The following GALNT18 variants were observed in gnomAD, a reference collection of about 807,000 sequenced individuals.
GALNT18 encodes polypeptide N-acetylgalactosaminyltransferase 18, also known as GalNAc-transferase 18.
A neutral mutation model predicts 69.5 loss-of-function variants in GALNT18; 44 were observed. That is an observed-to-expected ratio of 0.63 (90% CI 0.50 to 0.81). The LOEUF (loss-of-function observed/expected upper bound fraction) is 0.81. Among genes scored for constraint, GALNT18 ranks in the 40% least tolerant of loss-of-function variants. The pLI, the probability that GALNT18 is intolerant of heterozygous loss-of-function variation, is 0.00. For synonymous variants in GALNT18, 364 were observed against 318.2 expected (o/e 1.14, Z -1.53); for missense variants, 715 against 810.0 (o/e 0.88, Z 1.42).
chr11:11,549,678 T>C (rs1373998190), intron 1 of GALNT18, among the ~76,000 whole-genome samples: 1 of 152,214 alleles, frequency 6.6e-6, no homozygotes, highest in African/African-American at 2.4e-5. Context: ...CTCCCCAACA[T>C]TGCATACAGG....
Position 11,332,620 on chromosome 11 carries a change from C to T in GALNT18, c.1416+74G>A. Reference sequence around the variant, plus strand: ...ATGTGAGCAGCTGAGAGGCTCTTTCCCTCCTCTCCCTTTCTTCACTATGTT... The same window carrying T: ...ATGTGAGCAGCTGAGAGGCTCTTTCTCTCCTCTCCCTTTCTTCACTATGTT... On this transcript the variant is annotated intron_variant, in intron 8 of 10. Transcript: ENST00000227756. This position sits in a 1 kb window ranked among gnomAD's most constrained non-coding sequence, Gnocchi z 4.3. The T allele has an allele frequency of 6.5e-7, 1 of 1,539,724 alleles. No individual in the cohort carries two copies. Among genetic ancestry groups the T allele is most frequent in the Non-Finnish European group, 8.9e-7 (1 of 1,117,706 alleles).
chr11:11,519,274 G>A (rs1857344213), intron 1 of GALNT18, among the ~76,000 whole-genome samples: 1 of 152,238 alleles, frequency 6.6e-6, no homozygotes, highest in Admixed American at 6.5e-5. Flanking sequence ...ATTAAGGAAA[G>A]TCAACAGAGG....
chr11:11,317,043 C>T (rs535393712), intron 9 of GALNT18, among the ~76,000 whole-genome samples: 6 of 152,292 alleles, frequency 3.9e-5, no homozygotes, highest in Admixed American at 6.5e-5. Flanking sequence ...AGAAATTTTC[C>T]GGGCTGTTAC....
At chr11:11,375,032 C>G (rs72853190) in intron 5 of GALNT18, among the ~76,000 whole-genome samples, 3 of 152,166 alleles carry the variant, frequency 2.0e-5, no homozygotes, top group Non-Finnish European at 4.4e-5. Context: ...AAATTTCTCA[C>G]GTGGATTTTC....
intron 9 of GALNT18, among the ~76,000 whole-genome samples, chr11:11,296,236 T>C (rs1353364952): frequency 6.6e-6 from 1 of 152,134 alleles, no homozygotes; most frequent in Non-Finnish European, 1.5e-5. Flanking sequence ...ATCACATGAA[T>C]ATGAGAAGTG....
chr11:11,613,919 T>G lies in GALNT18; in HGVS notation c.235+7440A>C, dbSNP rs1280269139. Among the ~76,000 whole-genome samples, 1 of 152,170 alleles carries G rather than the reference T, an allele frequency of 6.6e-6. No homozygotes were observed. Among genetic ancestry groups the G allele is most frequent in the African/African-American group, 2.4e-5 (1 of 41,440 alleles). ...CCACCATGCTGCCTTCTGGTTACAT[T>G]TATCACTCACATTCAGCCGGGTTTT... On this transcript the variant is annotated intron_variant, in intron 1 of 10. Coordinates refer to ENST00000227756, the MANE Select transcript of GALNT18 (RefSeq NM_198516.3). The surrounding 1 kb of genome is among the most constrained non-coding windows in gnomAD (Gnocchi z 4.2).
In GALNT18 at chr11:11,340,901, C is replaced by T. The variant is rs150122075; in HGVS notation, c.1196G>A (p.Arg399His). 5.6e-5 allele frequency: 91 copies of T among 1,613,936 alleles called. No homozygotes were observed. Among genetic ancestry groups the T allele is most frequent in the Non-Finnish European group, 7.0e-5 (83 of 1,179,966 alleles). The part of the protein sequence containing the change: ...PYTEDLTAHV[R>H]RNALRVAEVW... ...TTCAGCCACCCTGAGAGCGTTCCTGCGGACATGGGCGGTGAGGTCCTCTGT... is the reference window on the plus strand; with the variant it reads ...TTCAGCCACCCTGAGAGCGTTCCTGTGGACATGGGCGGTGAGGTCCTCTGT... Residue 399 changes from arginine to histidine, a missense_variant, in exon 7 of 11, where the codon CGC (arginine) becomes CAC (histidine). Coordinates refer to ENST00000227756, the MANE Select transcript of GALNT18 (RefSeq NM_198516.3). This position sits in a 1 kb window ranked among gnomAD's most constrained non-coding sequence, Gnocchi z 4.2.
chr11:11,401,047 T>C (rs896776319), intron 3 of GALNT18, among the ~76,000 whole-genome samples: 3 of 152,034 alleles, frequency 2.0e-5, no homozygotes, highest in Non-Finnish European at 2.9e-5. Context: ...AGGAGGGCAG[T>C]AGTGAGACGA....
intron 1 of GALNT18, among the ~76,000 whole-genome samples, chr11:11,517,712 A>G (rs1190332969): frequency 6.6e-6 from 1 of 152,054 alleles, no homozygotes; most frequent in Non-Finnish European, 1.5e-5. Flanking sequence ...CCCCTGCCAC[A>G]GTGCTCAGTC....
chr11:11,440,755 T>G (rs951301090), intron 2 of GALNT18, among the ~76,000 whole-genome samples: 2 of 152,216 alleles, frequency 1.3e-5, no homozygotes, highest in African/African-American at 4.8e-5. Flanking sequence ...TCTTCTTTTT[T>G]ACAAATCAGA....
intron 6 of GALNT18, among the ~76,000 whole-genome samples, chr11:11,358,826 A>AAC (rs10644506): frequency 0.031 from 3,402 of 110,866 alleles, 433 homozygotes; most frequent in Middle Eastern, 0.11. Context: ...ATCCACACAA[A>AAC]ACACACACAC....
chr11:11,361,212 G>C (rs1030335777), intron 6 of GALNT18, among the ~76,000 whole-genome samples: 1 of 152,218 alleles, frequency 6.6e-6, no homozygotes, highest in Non-Finnish European at 1.5e-5. Context: ...AATTTTGTCA[G>C]ATTTCTTACT....
chr11:11,324,480 C>G (rs2722763), intron 9 of GALNT18, among the ~76,000 whole-genome samples: 2,145 of 152,248 alleles, frequency 0.014, 47 homozygotes, highest in African/African-American at 0.049. Flanking sequence ...TAAAAATGAA[C>G]AAATTACAAC....
chr11:11,497,529 G>A lies in GALNT18; in HGVS notation c.236-48593C>T, dbSNP rs1856891393. ...GCTGATTAATAAATTTGTGCTGAATGAAAGAATACTCCAAAAGGTTCTCGT... is the reference window on the plus strand; with the variant it reads ...GCTGATTAATAAATTTGTGCTGAATAAAAGAATACTCCAAAAGGTTCTCGT... On this transcript the variant is annotated intron_variant, in intron 1 of 10. Coordinates refer to ENST00000227756, the MANE Select transcript of GALNT18 (RefSeq NM_198516.3). This position sits in a 1 kb window ranked among gnomAD's most constrained non-coding sequence, Gnocchi z 4.2. Among the ~76,000 whole-genome samples, 1 of 152,062 alleles carries A rather than the reference G, an allele frequency of 6.6e-6. No individual in the cohort carries two copies. The highest frequency in any genetic ancestry group is 1.5e-5 in the Non-Finnish European group (1 of 68,006).
intron 6 of GALNT18, among the ~76,000 whole-genome samples, chr11:11,359,515 C>T (rs550142195): frequency 6.6e-6 from 1 of 152,268 alleles, no homozygotes; most frequent in African/African-American, 2.4e-5. Context: ...TTTCTGGCTC[C>T]TCTCATTTAG....
intron 9 of GALNT18, among the ~76,000 whole-genome samples, chr11:11,306,237 G>GTGTA (rs1312396537): frequency 4.0e-5 from 6 of 151,822 alleles, no homozygotes; most frequent in Non-Finnish European, 5.9e-5. Context: ...GTGTGTGTAT[G>GTGTA]TGTGTGTGTG....
intron 1 of GALNT18, chr11:11,475,671 G>A (rs1486693127): frequency 5.9e-5 from 9 of 152,208 alleles, no homozygotes; most frequent in Non-Finnish European, 1.3e-4. Flanking sequence ...GCCCTGGGAG[G>A]GGACTGCATG....
intron 3 of GALNT18, among the ~76,000 whole-genome samples, chr11:11,418,997 T>C (rs889536967): frequency 2.6e-5 from 4 of 152,130 alleles, no homozygotes; most frequent in African/African-American, 9.7e-5. Context: ...ACTACCCTAG[T>C]TGTAGGTCAG....
chr11:11,341,134 T>G lies in GALNT18; in HGVS notation c.1093-130A>C. The stretch of plus-strand genomic sequence containing the variant: ...CACCTTGACTCCCCAGATCACTCTC[T>G]GTGAAGGAGTAGGCCATACCTGATT... On this transcript the variant is annotated intron_variant, in intron 6 of 10. Transcript: ENST00000227756. This position sits in a 1 kb window ranked among gnomAD's most constrained non-coding sequence, Gnocchi z 6.3. The G allele has an allele frequency of 1.3e-6, 1 of 765,610 alleles. No homozygotes were observed. Among genetic ancestry groups the G allele is most frequent in the Non-Finnish European group, 2.1e-6 (1 of 481,148 alleles). The allele number at this position is 765,610 out of a possible 1,614,324, so 47.4% of individuals were successfully genotyped here. A position where few individuals can be genotyped will look rare whatever the true frequency, so the allele number is the denominator to read the frequency against.
Sources: allele counts gnomAD v4.1 joint callset (sites outside exome capture counted in the v4.1 genomes callset), GRCh38; gene constraint gnomAD v4.1.1; non-coding constraint Gnocchi (gnomAD v3.1); transcripts MANE v1.5; gene names NCBI Gene and HGNC (gene_info 2026-07-23, HGNC 2026-07-21).